CASD1: variants seen among roughly 807,000 people sequenced by gnomAD.
CASD1 encodes CAS1 domain sialic acid O acetyltransferase 1.
Under a neutral mutation model 100.0 loss-of-function variants are expected in CASD1, and 41 were observed. The observed-to-expected ratio is 0.41, with a 90% CI of 0.32 to 0.53. The LOEUF (loss-of-function observed/expected upper bound fraction) is 0.53, where lower values mean the gene tolerates loss of function less well. Ranked by LOEUF, CASD1 falls within the 20% of genes least tolerant of loss-of-function variation. The pLI is 0.25. For missense variants in CASD1, 774 were observed against 948.7 expected (o/e 0.82, Z 2.42); for synonymous variants, 321 against 315.6 (o/e 1.02, Z -0.18).
chr7:94,514,960 ATTTCT>A (rs1793900031), intron 1 of CASD1, among the ~76,000 whole-genome samples: 2 of 152,144 alleles, frequency 1.3e-5, no homozygotes, highest in Non-Finnish European at 2.9e-5. Flanking sequence ...ATTTTAAAAA[ATTTCT>A]TTCCTGAGAA....
the CASD1 span, among the ~76,000 whole-genome samples, chr7:94,610,738 A>G: frequency 6.6e-6 from 1 of 152,212 alleles, no homozygotes; most frequent in Non-Finnish European, 1.5e-5. Flanking sequence ...AGGAGAAAAT[A>G]ACTGCAAATC....
the CASD1 span, among the ~76,000 whole-genome samples, chr7:94,611,849 G>T: frequency 6.6e-6 from 1 of 152,070 alleles, no homozygotes; most frequent in East Asian, 1.9e-4. Flanking sequence ...TCATTTGAAA[G>T]ATTATCTTTT....
chr7:94,524,448 A>G (rs1240807525), intron 3 of CASD1, among the ~76,000 whole-genome samples: 3 of 152,124 alleles, frequency 2.0e-5, no homozygotes, highest in Non-Finnish European at 4.4e-5. Context: ...TATACCTACT[A>G]TAATGGCAGA....
At chr7:94,634,071 G>T in the CASD1 span, among the ~76,000 whole-genome samples, 3 of 152,074 alleles carry the variant, frequency 2.0e-5, no homozygotes, top group Non-Finnish European at 4.4e-5. Context: ...AAGTCATAAA[G>T]TATTGTCAAT....
chr7:94,628,137 T>TACAC, the CASD1 span: 11,870 of 988,512 alleles, frequency 0.012, 68 homozygotes, highest in Middle Eastern at 0.048. Context: ...CAAATTACAA[T>TACAC]ACACACACAC....
the CASD1 span, chr7:94,628,271 T>C: frequency 6.2e-7 from 1 of 1,608,462 alleles, no homozygotes; most frequent in African/African-American, 1.3e-5. Context: ...CACTATATGG[T>C]GTCCTTTGGA....
chr7:94,533,652 T>G, intron 6 of CASD1, 27 bp from the exon 7 acceptor site: 3 of 1,554,396 alleles, frequency 1.9e-6, no homozygotes, highest in Non-Finnish European at 2.6e-6. Context: ...AATACTAAAT[T>G]AATGCATAAT....
the CASD1 span, among the ~76,000 whole-genome samples, chr7:94,592,602 T>C: frequency 6.6e-6 from 1 of 152,170 alleles, no homozygotes; most frequent in Non-Finnish European, 1.5e-5. Context: ...TGTAAATTAG[T>C]CATTGCACAA....
At chr7:94,587,279 A>G in the CASD1 span, 2 of 988,556 alleles carry the variant, frequency 2.0e-6, no homozygotes, top group Non-Finnish European at 2.4e-6. Flanking sequence ...AATTGCCCTA[A>G]TATCATCTAC....
the CASD1 span, chr7:94,629,856 G>A: frequency 2.5e-6 from 4 of 1,609,936 alleles, no homozygotes; most frequent in Non-Finnish European, 3.4e-6. Context: ...AAACAAAGAG[G>A]AAAGATAAGT....
the CASD1 span, chr7:94,619,027 T>C: frequency 1.8e-6 from 2 of 1,130,018 alleles, no homozygotes; most frequent in Non-Finnish European, 2.7e-6. Context: ...AAAAGAACAA[T>C]TTGCGATTTG....
At chr7:94,602,864 T>A in the CASD1 span, among the ~76,000 whole-genome samples, 1 of 152,202 alleles carries the variant, frequency 6.6e-6, no homozygotes, top group Non-Finnish European at 1.5e-5. Flanking sequence ...ATTTGAGTTG[T>A]CAGAACATTA....
At chr7:94,570,218 C>T in the CASD1 span, among the ~76,000 whole-genome samples, 2 of 152,074 alleles carry the variant, frequency 1.3e-5, no homozygotes, top group African/African-American at 4.8e-5. Context: ...TTTTTGTCCC[C>T]TATTTCCTCC....
the CASD1 span, chr7:94,627,658 C>T: frequency 6.5e-6 from 1 of 152,788 alleles, no homozygotes; most frequent in East Asian, 1.9e-4. Context: ...TACCTTCTTA[C>T]AACTCTGCAT....
At chr7:94,625,981 A>G in the CASD1 span, 3 of 152,080 alleles carry the variant, frequency 2.0e-5, no homozygotes, top group African/African-American at 4.8e-5. Context: ...ACTGCTTTCC[A>G]AAGTAGTGAT....
chr7:94,525,716 C>T (rs1438001983), intron 3 of CASD1, among the ~76,000 whole-genome samples: 5 of 151,984 alleles, frequency 3.3e-5, no homozygotes, highest in African/African-American at 1.2e-4. Flanking sequence ...TTTATTTCAC[C>T]AAAGAAACTT....
chr7:94,563,501 C>T, the CASD1 span, among the ~76,000 whole-genome samples: 1 of 151,916 alleles, frequency 6.6e-6, no homozygotes, highest in African/African-American at 2.4e-5. Context: ...AAGGGCTTGT[C>T]TTTTTCTTGG....
chr7:94,544,196 T>G (rs1477988755), intron 10 of CASD1, among the ~76,000 whole-genome samples: 1 of 152,218 alleles, frequency 6.6e-6, no homozygotes, highest in East Asian at 1.9e-4. Context: ...AGTTAGAAAG[T>G]GGCAGAACTA....
At chr7:94,524,842 G>A (rs889966086) in intron 3 of CASD1, among the ~76,000 whole-genome samples, 1 of 152,016 alleles carries the variant, frequency 6.6e-6, no homozygotes, top group Non-Finnish European at 1.5e-5. Context: ...TAGGTTATAC[G>A]AGATTAAGAG....
Sources: gnomAD v4.1 joint callset for allele counts (sites outside exome capture counted in the v4.1 genomes callset) on GRCh38, gnomAD v4.1.1 for gene constraint, MANE v1.5 for transcripts, NCBI Gene and HGNC (gene_info 2026-07-23, HGNC 2026-07-21) for gene names.